The following TANC2 variants were observed in gnomAD, a reference collection of about 807,000 sequenced individuals.
The protein encoded by TANC2 is protein TANC2.
In TANC2, 26 loss-of-function variants were observed where a neutral mutation model predicts 210.5. The ratio of observed to expected loss-of-function variants is 0.12; its 90% confidence interval spans 0.09 to 0.17. The LOEUF (loss-of-function observed/expected upper bound fraction) is 0.17. Among genes scored for constraint, TANC2 ranks in the 10% least tolerant of loss-of-function variants. The pLI, the probability that TANC2 is intolerant of heterozygous loss-of-function variation, is 1.00. For synonymous variants in TANC2, 931 were observed against 967.1 expected, an observed-to-expected ratio of 0.96 and a Z score of 0.69; for missense variants, 2,129 against 2,608.9, an observed-to-expected ratio of 0.82 and a Z score of 4.01.
At chr17:63,049,407 A>G (rs2035496807) in intron 2 of TANC2, among the ~76,000 whole-genome samples, 1 of 152,128 alleles carries the variant, frequency 6.6e-6, no homozygotes, top group Admixed American at 6.6e-5. Flanking sequence ...GTGATGAGGG[A>G]AGGCATGATT....
intron 2 of TANC2, among the ~76,000 whole-genome samples, chr17:63,022,340 C>A (rs1471086884): frequency 1.5e-3 from 208 of 137,972 alleles, no homozygotes; most frequent in East Asian, 1.7e-3. Flanking sequence ...AACTCCATCT[C>A]AAAAAAAAAA....
intron 2 of TANC2, among the ~76,000 whole-genome samples, chr17:63,028,545 G>A (rs1034529055): frequency 6.6e-6 from 1 of 152,084 alleles, no homozygotes; most frequent in Admixed American, 6.6e-5. Context: ...GTCTTACAAG[G>A]TTGGTTGGTT....
chr17:63,244,854 G>A (rs989696444), intron 8 of TANC2, among the ~76,000 whole-genome samples: 4 of 152,152 alleles, frequency 2.6e-5, no homozygotes, highest in African/African-American at 9.7e-5. Flanking sequence ...CTGTTCTCAT[G>A]ATAGCGAATA....
chr17:63,214,770 C>G (rs897422874), intron 7 of TANC2, among the ~76,000 whole-genome samples: 1 of 152,192 alleles, frequency 6.6e-6, no homozygotes, highest in African/African-American at 2.4e-5. Context: ...TGCTGGGGGA[C>G]ACAAACATTC....
intron 5 of TANC2, among the ~76,000 whole-genome samples, chr17:63,185,872 C>T (rs980311779): frequency 6.6e-6 from 1 of 152,048 alleles, no homozygotes; most frequent in Non-Finnish European, 1.5e-5. Context: ...TAGTAGTTAT[C>T]TCACTCTATG....
At chr17:63,238,005 T>C in exon 8 of TANC2, 3 of 1,569,238 alleles carry the variant, frequency 1.9e-6, no homozygotes, top group Non-Finnish European at 1.7e-6. Context: ...AGAGAGAAAT[T>C]TGGAAACAGT....
intron 3 of TANC2, among the ~76,000 whole-genome samples, chr17:63,075,604 C>T (rs2036544131): frequency 6.6e-6 from 1 of 152,088 alleles, no homozygotes; most frequent in South Asian, 2.1e-4. Context: ...TTGATCTTGG[C>T]TCACTGCAAC....
chr17:63,030,589 C>T (rs565724722), intron 2 of TANC2, among the ~76,000 whole-genome samples: 2 of 151,870 alleles, frequency 1.3e-5, no homozygotes, highest in African/African-American at 4.8e-5. Flanking sequence ...CATGCCACCC[C>T]CCACCCCCCG....
At chr17:63,150,199 T>C (rs1165305205) in intron 4 of TANC2, 1 of 152,142 alleles carries the variant, frequency 6.6e-6, no homozygotes, top group African/African-American at 2.4e-5. Flanking sequence ...AGTAATGTGA[T>C]CTTAGACACA....
Position 63,180,851 on chromosome 17 carries a change from G to A in TANC2, c.434-13140G>A, listed in dbSNP as rs911361906. Among the ~76,000 whole-genome samples, 7 of 151,186 alleles carry A rather than the reference G, an allele frequency of 4.6e-5. No individual in the cohort carries two copies. The South Asian group carries it at 6.3e-4, about 14-fold the overall frequency. On this transcript the variant is annotated intron_variant, in intron 5 of 27. Transcript: ENST00000689528. ...CCAACCTGGCCAACATGGTGAAACC[G>A]TGTCTCTACTAAATATACAAAAAGT...
chr17:63,418,480 C>A lies in TANC2; in HGVS notation c.4268+73C>A. 2 of 1,361,830 alleles carry A rather than the reference C, an allele frequency of 1.5e-6. No individual in the cohort carries two copies. Among genetic ancestry groups the A allele is most frequent in the Non-Finnish European group, 1.0e-6 (1 of 982,512 alleles). 84.4% of individuals were successfully genotyped at this position (1,361,830 alleles called of 1,614,324 possible). On this transcript the variant is annotated intron_variant, in intron 27 of 27. Coordinates refer to ENST00000689528, the Ensembl canonical transcript of TANC2. The surrounding 1 kb of genome is among the most constrained non-coding windows in gnomAD (Gnocchi z 4.6). ...ATTTGGCCAAGGCAGCGTCGGCCACCCTGGGGCATATGTACCCAAATACAT... is the reference window on the plus strand; with the variant it reads ...ATTTGGCCAAGGCAGCGTCGGCCACACTGGGGCATATGTACCCAAATACAT...
chr17:63,386,494 A>G (rs900284747), intron 15 of TANC2, among the ~76,000 whole-genome samples: 2 of 152,206 alleles, frequency 1.3e-5, no homozygotes, highest in African/African-American at 4.8e-5. Flanking sequence ...AAATAATACA[A>G]GGTTGGCCAT....
intron 4 of TANC2, among the ~76,000 whole-genome samples, chr17:63,100,421 C>T (rs554579646): frequency 6.6e-6 from 1 of 152,166 alleles, no homozygotes; most frequent in East Asian, 1.9e-4. Flanking sequence ...TTAGATACTT[C>T]AGTCTAAAGA....
At chr17:63,055,717 T>C (rs1354924179) in intron 2 of TANC2, among the ~76,000 whole-genome samples, 1 of 150,924 alleles carries the variant, frequency 6.6e-6, no homozygotes, top group Admixed American at 6.6e-5. Context: ...AAATATTATG[T>C]GAAGGAGGCC....
chr17:63,373,998 A>G (rs1166430381), intron 14 of TANC2, among the ~76,000 whole-genome samples: 1 of 131,552 alleles, frequency 7.6e-6, no homozygotes, highest in African/African-American at 2.9e-5. Flanking sequence ...AATTATTATT[A>G]TTATTAAGTA....
At chr17:63,291,995 A>G (rs532954621) in intron 9 of TANC2, among the ~76,000 whole-genome samples, 39 of 152,346 alleles carry the variant, frequency 2.6e-4, no homozygotes, top group African/African-American at 9.4e-4. Context: ...AGATGGTGAT[A>G]TTTCATTAAC....
intron 2 of TANC2, among the ~76,000 whole-genome samples, chr17:63,057,793 A>G (rs1016687997): frequency 6.6e-6 from 1 of 152,178 alleles, no homozygotes; most frequent in African/African-American, 2.4e-5. Flanking sequence ...ATAGTATTCC[A>G]TGGTATAGAA....
chr17:63,415,829 T>C (rs565229090), intron 26 of TANC2, among the ~76,000 whole-genome samples, 155 bp downstream of exon 26: 13 of 150,788 alleles, frequency 8.6e-5, no homozygotes. Flanking sequence ...TTGAAAGAAA[T>C]CAAGTCTAAG....
intron 8 of TANC2, among the ~76,000 whole-genome samples, chr17:63,240,287 G>C (rs559199894): frequency 2.6e-4 from 39 of 152,282 alleles, no homozygotes; most frequent in African/African-American, 9.4e-4. Context: ...CTTAGTAGAA[G>C]ACAAAGAAGC....
Sources: allele counts gnomAD v4.1 joint callset (sites outside exome capture counted in the v4.1 genomes callset), GRCh38; gene constraint gnomAD v4.1.1; non-coding constraint Gnocchi (gnomAD v3.1); transcripts MANE v1.5; gene names NCBI Gene and HGNC (gene_info 2026-07-23, HGNC 2026-07-21).